LARGE1: variants seen among roughly 807,000 people sequenced by gnomAD.
LARGE1 encodes xylosyl- and glucuronyltransferase LARGE1.
A neutral mutation model predicts 87.6 loss-of-function variants in LARGE1; 43 were observed. The observed-to-expected ratio is 0.49, with a 90% confidence interval of 0.38 to 0.63. The LOEUF is 0.63. Ranked by LOEUF, LARGE1 falls within the 30% of genes least tolerant of loss-of-function variation. The probability of loss-of-function intolerance (pLI) is 0.00; values close to 1 mark genes in which losing one functional copy is unlikely to be tolerated. For missense variants in LARGE1, 802 were observed against 1,000.2 expected (o/e 0.80, Z 2.67); for synonymous variants, 434 against 394.6 (o/e 1.10, Z -1.18).
At chr22:33,530,835 G>A (rs2148570163) in intron 6 of LARGE1, among the ~76,000 whole-genome samples, 1 of 152,322 alleles carries the variant, frequency 6.6e-6, no homozygotes, top group Admixed American at 6.5e-5. Flanking sequence ...GGACTCCGAT[G>A]TAATTATTTG....
intron 11 of LARGE1, among the ~76,000 whole-genome samples, chr22:33,175,441 A>G (rs1361341167): frequency 1.3e-5 from 2 of 152,214 alleles, no homozygotes; most frequent in Non-Finnish European, 2.9e-5. Context: ...TAAGCTGATA[A>G]GCAACTTCAG....
At chr22:33,315,073 G>A (rs1437103377) in intron 11 of LARGE1, among the ~76,000 whole-genome samples, 1 of 152,182 alleles carries the variant, frequency 6.6e-6, no homozygotes, top group Non-Finnish European at 1.5e-5. Flanking sequence ...GCTGGGCATG[G>A]TGGCTGGTGC....
chr22:33,161,256 T>C (rs577433918), downstream of LARGE1, among the ~76,000 whole-genome samples: 1 of 152,240 alleles, frequency 6.6e-6, no homozygotes, highest in South Asian at 2.1e-4. Flanking sequence ...CCACGACCCA[T>C]GGGGATGATG....
chr22:33,621,171 T>C (rs1400857537), intron 4 of LARGE1, among the ~76,000 whole-genome samples: 1 of 152,246 alleles, frequency 6.6e-6, no homozygotes. Context: ...TGGTTTACCA[T>C]AAGAGAATGT....
At chr22:33,549,761 G>A (rs1427437895) in intron 6 of LARGE1, among the ~76,000 whole-genome samples, 2 of 152,158 alleles carry the variant, frequency 1.3e-5, no homozygotes, top group Non-Finnish European at 2.9e-5. Context: ...AACTGAAAAA[G>A]AAGTTGTGGT....
chr22:33,127,884 A>T, the LARGE1 span, among the ~76,000 whole-genome samples: 1 of 152,168 alleles, frequency 6.6e-6, no homozygotes, highest in African/African-American at 2.4e-5. Flanking sequence ...TCTATCTTGA[A>T]ATTTGTTGAG....
At chr22:33,718,468 A>G (rs2082977411) in intron 2 of LARGE1, among the ~76,000 whole-genome samples, 2 of 152,372 alleles carry the variant, frequency 1.3e-5, no homozygotes, top group South Asian at 4.1e-4. Flanking sequence ...ATAATTAATG[A>G]ATGTGCTGAA....
intron 1 of LARGE1, among the ~76,000 whole-genome samples, chr22:33,892,944 A>G (rs2065041172): frequency 6.6e-6 from 1 of 152,258 alleles, no homozygotes; most frequent in South Asian, 2.1e-4. Context: ...ACTGCTTTGC[A>G]AACGTGGAGT....
chr22:33,361,206 T>TA (rs904114001), intron 9 of LARGE1, among the ~76,000 whole-genome samples: 1 of 148,582 alleles, frequency 6.7e-6, no homozygotes, highest in Non-Finnish European at 1.5e-5. Context: ...CAAGACTGTT[T>TA]AAAAAAATAA....
chr22:33,761,357 G>A lies in LARGE1; in HGVS notation c.106+14C>T, dbSNP rs757956606. 2 of 1,595,350 alleles carry A rather than the reference G, an allele frequency of 1.3e-6. No homozygotes were observed. Among genetic ancestry groups the A allele is most frequent in the East Asian group, 4.5e-5 (2 of 44,770 alleles). On this transcript the variant is annotated intron_variant, in intron 2 of 14. Coordinates refer to ENST00000397394, the MANE Select transcript of LARGE1 (RefSeq NM_133642.5). ...TCTTCCCTCCTTCCCTCTCACTTTG[G>A]CTTCCATTCTTACCTTCGAAGCTCC...
intron 1 of LARGE1, among the ~76,000 whole-genome samples, chr22:33,805,184 C>T (rs2086270634): frequency 6.6e-6 from 1 of 152,154 alleles, no homozygotes; most frequent in Admixed American, 6.5e-5. Context: ...GAAAATCCTG[C>T]TGAATATACC....
intron 11 of LARGE1, among the ~76,000 whole-genome samples, chr22:33,245,812 G>A (rs542869569): frequency 1.0e-3 from 159 of 152,296 alleles, no homozygotes; most frequent in African/African-American, 3.8e-3. Context: ...GGGAGGCTGA[G>A]GCAGGAGAAT....
intron 1 of LARGE1, among the ~76,000 whole-genome samples, chr22:33,871,561 G>T (rs566193783): frequency 2.6e-5 from 4 of 152,224 alleles, no homozygotes; most frequent in Non-Finnish European, 4.4e-5. Flanking sequence ...AATAACAGAT[G>T]GCTTTAGAGC....
chr22:33,814,213 C>T (rs1293474903), intron 1 of LARGE1, among the ~76,000 whole-genome samples: 1 of 152,190 alleles, frequency 6.6e-6, no homozygotes, highest in Non-Finnish European at 1.5e-5. Flanking sequence ...GCCTCTATCA[C>T]TCAAATCATT....
chr22:33,206,317 C>T (rs1211007265), intron 11 of LARGE1, among the ~76,000 whole-genome samples: 2 of 151,920 alleles, frequency 1.3e-5, no homozygotes, highest in Middle Eastern at 3.2e-3. Flanking sequence ...GTCTCGAACC[C>T]CTGACCTCAA....
chr22:33,725,313 G>T (rs778556101), intron 2 of LARGE1, among the ~76,000 whole-genome samples: 1 of 152,194 alleles, frequency 6.6e-6, no homozygotes, highest in Admixed American at 6.5e-5. Context: ...GCGACAGGGT[G>T]GTGACCTGCC....
At chr22:33,622,873 C>T (rs1026967848) in intron 4 of LARGE1, among the ~76,000 whole-genome samples, 8 of 152,160 alleles carry the variant, frequency 5.3e-5, no homozygotes, top group African/African-American at 1.9e-4. Context: ...TACGACATGC[C>T]ATCAGCAGCT....
chr22:33,819,273 T>A (rs2086749223), intron 1 of LARGE1, among the ~76,000 whole-genome samples: 1 of 151,922 alleles, frequency 6.6e-6, no homozygotes, highest in Admixed American at 6.6e-5. Flanking sequence ...AGTACAAAGC[T>A]CTTCATTGCG....
At chr22:33,173,565 A>G (rs1456210650) in intron 11 of LARGE1, among the ~76,000 whole-genome samples, 1 of 152,140 alleles carries the variant, frequency 6.6e-6, no homozygotes, top group Non-Finnish European at 1.5e-5. Flanking sequence ...TAAAGAGTGA[A>G]GACTCATCAT....
Sources: gnomAD v4.1 joint callset for allele counts (sites outside exome capture counted in the v4.1 genomes callset) on GRCh38, gnomAD v4.1.1 for gene constraint, MANE v1.5 for transcripts, NCBI Gene and HGNC (gene_info 2026-07-23, HGNC 2026-07-21) for gene names.